Variants in SLC26A7 observed in about 807,000 individuals in gnomAD.
SLC26A7 encodes the protein solute carrier family 26 member 7, also known as anion exchange transporter.
A neutral mutation model predicts 82.5 loss-of-function variants in SLC26A7; 59 were observed. The observed-to-expected ratio is 0.72, with a 90% CI of 0.58 to 0.89. The LOEUF is 0.89. Ranked by LOEUF, SLC26A7 falls within the 40% of genes least tolerant of loss-of-function variation. The pLI is 0.00. For synonymous variants in SLC26A7, 271 were observed against 274.3 expected (o/e 0.99, Z 0.12); for missense variants, 820 against 793.0 (o/e 1.03, Z -0.41).
intron 4 of SLC26A7, among the ~76,000 whole-genome samples, chr8:91,317,042 C>G (rs927631734): frequency 7.9e-6 from 1 of 127,178 alleles, no homozygotes; most frequent in Non-Finnish European, 1.6e-5. Context: ...TGTCTGTAGT[C>G]ACAGCTATTC....
At chr8:91,235,157 C>T (rs11776325) in intron 2 of SLC26A7, among the ~76,000 whole-genome samples, 56,789 of 151,916 alleles carry the variant, frequency 0.37, 13,469 homozygotes, top group South Asian at 0.6. Context: ...CTCCTGGGCT[C>T]AAGCAATCCT....
intron 5 of SLC26A7, among the ~76,000 whole-genome samples, chr8:91,320,992 T>C (rs1434945921): frequency 2.0e-5 from 3 of 152,054 alleles, no homozygotes; most frequent in Non-Finnish European, 2.9e-5. Context: ...GTCAAAAGAG[T>C]CCAGTTTTAG....
chr8:91,276,334 C>A (rs1216340484), intron 2 of SLC26A7, among the ~76,000 whole-genome samples: 1 of 152,054 alleles, frequency 6.6e-6, no homozygotes, highest in Non-Finnish European at 1.5e-5. Context: ...TACTAACTTG[C>A]ATTTGTATAT....
At position 91,270,118 on chromosome 8, in the gene SLC26A7, T is replaced by G. The variant is rs933824258; in HGVS notation, c.194-19018T>G. ...CATTATTGGAGCTCTGTTGGTTTCT[T>G]TTTGTGGTCTTATATTTCTGTGAGT... On this transcript the variant is annotated intron_variant, in intron 2 of 18. Transcript: ENST00000276609. 3.8e-4 allele frequency among the ~76,000 whole-genome samples: 58 copies of G among 152,220 alleles called. 1 individual carries two copies. The highest frequency in any genetic ancestry group is 1.5e-5 in the Non-Finnish European group (1 of 68,044).
At chr8:91,364,760 G>T (rs1307278372) in intron 13 of SLC26A7, among the ~76,000 whole-genome samples, 1 of 152,172 alleles carries the variant, frequency 6.6e-6, no homozygotes, top group Non-Finnish European at 1.5e-5. Flanking sequence ...AACATGTACA[G>T]AAGTGAATGA....
upstream of SLC26A7, among the ~76,000 whole-genome samples, chr8:91,244,512 G>A (rs1253957562): frequency 7.1e-6 from 1 of 141,836 alleles, no homozygotes; most frequent in Non-Finnish European, 1.5e-5. Context: ...GCTTTTTTGT[G>A]TTTGTTTTTG....
intron 15 of SLC26A7, among the ~76,000 whole-genome samples, chr8:91,387,244 T>G (rs16912695): frequency 0.052 from 7,959 of 152,274 alleles, 291 homozygotes; most frequent in African/African-American, 0.11. Context: ...CAGGGCATAT[T>G]ATACCTGAAA....
At chr8:91,238,523 G>T (rs990203653) in intron 2 of SLC26A7, among the ~76,000 whole-genome samples, 33 of 149,672 alleles carry the variant, frequency 2.2e-4, no homozygotes, top group Non-Finnish European at 3.6e-4. Flanking sequence ...TAGAACATGA[G>T]AAAGGTTTTA....
At chr8:91,268,499 T>C (rs1277920525) in intron 2 of SLC26A7, among the ~76,000 whole-genome samples, 1 of 151,808 alleles carries the variant, frequency 6.6e-6, no homozygotes, top group Non-Finnish European at 1.5e-5. Flanking sequence ...TTTTTCTATC[T>C]CTTCGCTTTC....
At chr8:91,224,916 C>T (rs1186540230) in intron 2 of SLC26A7, among the ~76,000 whole-genome samples, 3 of 152,170 alleles carry the variant, frequency 2.0e-5, no homozygotes, top group Non-Finnish European at 4.4e-5. Flanking sequence ...GAAGCCCTAC[C>T]CACTGAAGGA....
intron 1 of SLC26A7, among the ~76,000 whole-genome samples, chr8:91,214,391 T>C (rs548273827): frequency 3.9e-5 from 6 of 152,320 alleles, no homozygotes; most frequent in African/African-American, 1.4e-4. Flanking sequence ...AATATACTTC[T>C]TCAGTATGTT....
intron 16 of SLC26A7, among the ~76,000 whole-genome samples, chr8:91,389,796 GTGCCT>G (rs1431687240): frequency 1.3e-5 from 2 of 152,298 alleles, no homozygotes; most frequent in Admixed American, 1.3e-4. Context: ...GCATAAGTAA[GTGCCT>G]TGATGATGGC....
At chr8:91,393,659 G>A in intron 16 of SLC26A7, 138 bp from the exon 17 acceptor site, 1 of 846,176 alleles carries the variant, frequency 1.2e-6, no homozygotes, top group Non-Finnish European at 1.9e-6. Flanking sequence ...GCCTGACTGT[G>A]TAACAATGCC....
intron 4 of SLC26A7, among the ~76,000 whole-genome samples, chr8:91,305,234 T>G (rs1289323492): frequency 6.7e-6 from 1 of 149,336 alleles, no homozygotes; most frequent in Non-Finnish European, 1.5e-5. Flanking sequence ...TTAAATTGAG[T>G]TTTTTTTTTC....
chr8:91,281,142 A>G (rs933137091), intron 2 of SLC26A7, among the ~76,000 whole-genome samples: 1 of 152,240 alleles, frequency 6.6e-6, no homozygotes, highest in East Asian at 1.9e-4. Context: ...TTTAAATTGC[A>G]TAGGTTTTAT....
At chr8:91,354,459 G>C (rs1263650859) in intron 11 of SLC26A7, among the ~76,000 whole-genome samples, 1 of 152,112 alleles carries the variant, frequency 6.6e-6, no homozygotes, top group African/African-American at 2.4e-5. Flanking sequence ...ATGTGGAAAA[G>C]TTAAGAATGG....
At chr8:91,367,789 A>G (rs924049181) in intron 14 of SLC26A7, among the ~76,000 whole-genome samples, 40 of 152,272 alleles carry the variant, frequency 2.6e-4, no homozygotes, top group African/African-American at 9.1e-4. Context: ...ACTCCTCTAG[A>G]TCACAGGATC....
At chr8:91,320,627 A>G (rs1812764566) in intron 5 of SLC26A7, among the ~76,000 whole-genome samples, 1 of 152,180 alleles carries the variant, frequency 6.6e-6, no homozygotes, top group African/African-American at 2.4e-5. Context: ...AGGCTGAGAG[A>G]ATCTCATGAT....
At chr8:91,228,299 A>G (rs186064255) in intron 2 of SLC26A7, among the ~76,000 whole-genome samples, 43 of 152,344 alleles carry the variant, frequency 2.8e-4, no homozygotes, top group African/African-American at 7.9e-4. Flanking sequence ...GAGTGAGGAA[A>G]TGAGCTATGA....
Sources: gnomAD v4.1 joint callset for allele counts (sites outside exome capture counted in the v4.1 genomes callset) on GRCh38, gnomAD v4.1.1 for gene constraint, MANE v1.5 for transcripts, NCBI Gene and HGNC (gene_info 2026-07-23, HGNC 2026-07-21) for gene names.